Variants in XYLT1 observed in about 807,000 individuals in gnomAD.
XYLT1 encodes xylosyltransferase 1.
In XYLT1, 36 loss-of-function variants were observed where a neutral mutation model predicts 91.3. The observed-to-expected ratio is 0.39, with a 90% CI of 0.30 to 0.52. The LOEUF is 0.52. Among genes scored for constraint, XYLT1 ranks in the 20% least tolerant of loss-of-function variants. The probability of loss-of-function intolerance (pLI) is 0.68; values close to 1 mark genes in which losing one functional copy is unlikely to be tolerated. For missense variants in XYLT1, 1,242 were observed against 1,284.5 expected, an observed-to-expected ratio of 0.97 and a Z score of 0.51; for synonymous variants, 588 against 532.0, an observed-to-expected ratio of 1.11 and a Z score of -1.45.
chr16:17,452,850 TC>T, intron 1 of XYLT1, among the ~76,000 whole-genome samples: 1 of 152,142 alleles, frequency 6.6e-6, no homozygotes, highest in Non-Finnish European at 1.5e-5. Context: ...GAGAAGTTCT[TC>T]CCCTAGAATA....
chr16:17,200,618 G>T lies in XYLT1; in HGVS notation c.950C>A (p.Ser317Tyr). 6.2e-7 allele frequency: 1 copy of T among 1,614,126 alleles called. No homozygotes were observed. Residue 317 changes from serine (S) to tyrosine (Y), a missense_variant, in exon 4 of 12, where the codon TCC becomes TAC. Around this residue, in one of 3 missense-constraint regions of XYLT1, gnomAD observed 294 missense variants for 376.0 expected, o/e 0.78. Coordinates refer to ENST00000261381, the MANE Select transcript of XYLT1 (RefSeq NM_022166.4). ...CGGGTTGGCTGGCATGTACTCCACG[G>T]AGTCCTCGTCCCACTGCACGTTCTT... ...ANKNVQWDED[S>Y]VEYMPANPVR... is the part of the protein sequence containing the mutation.
intron 2 of XYLT1, among the ~76,000 whole-genome samples, chr16:17,325,384 G>C (rs766677435): frequency 3.9e-5 from 6 of 152,218 alleles, no homozygotes; most frequent in Non-Finnish European, 8.8e-5. Flanking sequence ...CTGGGCGACA[G>C]AGCGAGACTC....
chr16:17,189,913 G>A (rs1597179665), intron 5 of XYLT1, among the ~76,000 whole-genome samples: 1 of 152,118 alleles, frequency 6.6e-6, no homozygotes, highest in South Asian at 2.1e-4. Context: ...AGGTGTGGTG[G>A]TGCATGCCTG....
At chr16:17,181,294 G>A (rs1027508264) in intron 5 of XYLT1, among the ~76,000 whole-genome samples, 1 of 152,066 alleles carries the variant, frequency 6.6e-6, no homozygotes, top group South Asian at 2.1e-4. Context: ...CTTCCTCAAA[G>A]GCAGGTGCCC....
intron 2 of XYLT1, among the ~76,000 whole-genome samples, chr16:17,326,974 A>C (rs193287535): frequency 4.3e-4 from 65 of 152,366 alleles, no homozygotes; most frequent in African/African-American, 1.5e-3. Flanking sequence ...CACAGGCCGC[A>C]TGTCCATGAA....
At chr16:17,211,407 G>C (rs1251771404) in intron 3 of XYLT1, among the ~76,000 whole-genome samples, 1 of 152,158 alleles carries the variant, frequency 6.6e-6, no homozygotes, top group African/African-American at 2.4e-5. Flanking sequence ...GGTTTGTCAG[G>C]AGTCTCCTGG....
At chr16:17,166,677 A>ATTT (rs34758469) in intron 5 of XYLT1, among the ~76,000 whole-genome samples, 25 of 144,104 alleles carry the variant, frequency 1.7e-4, no homozygotes, top group African/African-American at 5.9e-4. Flanking sequence ...ATGTCCAGCT[A>ATTT]TTTTTTTTTT....
chr16:17,133,727 A>G (rs1484086151), intron 9 of XYLT1, among the ~76,000 whole-genome samples: 1 of 152,186 alleles, frequency 6.6e-6, no homozygotes, highest in Non-Finnish European at 1.5e-5. Flanking sequence ...AGGGAAAGAG[A>G]TGAGAGGAGA....
chr16:17,468,040 C>T (rs1247962765), intron 1 of XYLT1, among the ~76,000 whole-genome samples: 3 of 152,190 alleles, frequency 2.0e-5, no homozygotes, highest in Non-Finnish European at 4.4e-5. Context: ...CACATTTCAA[C>T]GGCCTCTATT....
chr16:17,391,506 C>T (rs1373070864), intron 1 of XYLT1, among the ~76,000 whole-genome samples: 1 of 152,220 alleles, frequency 6.6e-6, no homozygotes, highest in South Asian at 2.1e-4. Context: ...TATTGCAATT[C>T]CCCTGTTTTG....
chr16:17,399,609 A>G (rs1295781418), intron 1 of XYLT1, among the ~76,000 whole-genome samples: 1 of 152,218 alleles, frequency 6.6e-6, no homozygotes, highest in Non-Finnish European at 1.5e-5. Context: ...TGGAAAAATA[A>G]TGGCATTTTC....
At chr16:17,221,132 G>T (rs2032959513) in intron 3 of XYLT1, among the ~76,000 whole-genome samples, 1 of 151,872 alleles carries the variant, frequency 6.6e-6, no homozygotes, top group Non-Finnish European at 1.5e-5. Context: ...TATTGTTTGG[G>T]GTCCTCGTCC....
chr16:17,311,396 A>G (rs1405805542), intron 2 of XYLT1, among the ~76,000 whole-genome samples: 1 of 152,136 alleles, frequency 6.6e-6, no homozygotes, highest in Non-Finnish European at 1.5e-5. Context: ...GATTTGTTAA[A>G]CTACAGATTG....
intron 6 of XYLT1, 132 bp downstream of exon 6, chr16:17,158,697 G>T: frequency 2.2e-6 from 2 of 895,980 alleles, no homozygotes; most frequent in Non-Finnish European, 1.8e-6. Flanking sequence ...CACAGCGAAG[G>T]ACAGCTGGTG....
intron 6 of XYLT1, among the ~76,000 whole-genome samples, chr16:17,147,645 T>C (rs2031170236): frequency 6.6e-6 from 1 of 152,150 alleles, no homozygotes; most frequent in Non-Finnish European, 1.5e-5. Context: ...TCAGAAAAGT[T>C]TCTGGAGTCA....
chr16:17,268,383 A>G (rs1470948442), intron 2 of XYLT1, among the ~76,000 whole-genome samples: 4 of 152,220 alleles, frequency 2.6e-5, no homozygotes, highest in Non-Finnish European at 4.4e-5. Context: ...CTTAGTTTAA[A>G]TATTACTATA....
intron 9 of XYLT1, among the ~76,000 whole-genome samples, chr16:17,130,446 G>T (rs1440540489): frequency 7.1e-6 from 1 of 139,962 alleles, no homozygotes; most frequent in Non-Finnish European, 1.5e-5. Flanking sequence ...AAAAAATTTA[G>T]AAGTCAATCT....
intron 2 of XYLT1, among the ~76,000 whole-genome samples, chr16:17,261,543 C>T (rs1291736669): frequency 6.6e-6 from 1 of 152,158 alleles, no homozygotes; most frequent in Non-Finnish European, 1.5e-5. Context: ...ATTGTATGAT[C>T]CTTATTACAC....
Position 17,117,745 on chromosome 16 carries a change from C to T in XYLT1, c.2458G>A (p.Val820Ile). ...PPLNLPLRPG[V>I]WTVKILHHWV... ...TGGTGGAGAATTTTCACTGTCCAGA[C>T]CCCAGGCCTCAGGGGCAAGTTCAAA... Residue 820 changes from valine (V) to isoleucine (I), a missense_variant, in exon 11 of 12, where the codon GTC becomes ATC. By Grantham distance (29) the Val-to-Ile change is conservative (BLOSUM62 3). This residue lies in a region of XYLT1 where 511 missense variants were observed against 497.0 expected (regional missense o/e 1.03). Transcript: ENST00000261381. 1.2e-6 allele frequency: 2 copies of T among 1,614,192 alleles called. No homozygotes were observed. Among genetic ancestry groups the T allele is most frequent in the African/African-American group, 1.3e-5 (1 of 75,042 alleles).
Sources: allele counts gnomAD v4.1 joint callset (sites outside exome capture counted in the v4.1 genomes callset), GRCh38; gene constraint gnomAD v4.1.1; regional missense constraint gnomAD v4.1.1; transcripts MANE v1.5; gene names NCBI Gene and HGNC (gene_info 2026-07-23, HGNC 2026-07-21).